PCNX4: variants seen among roughly 807,000 people sequenced by gnomAD.
PCNX4 encodes the protein pecanex 4.
PCNX4 carries 103 observed loss-of-function variants against 107.2 expected under a neutral mutation model. The ratio of observed to expected loss-of-function variants is 0.96; its 90% CI spans 0.82 to 1.13. The LOEUF (loss-of-function observed/expected upper bound fraction) is 1.13, where lower values mean the gene tolerates loss of function less well. Among genes scored for constraint, PCNX4 ranks in the 50% most tolerant of loss-of-function variants. The pLI, the probability that PCNX4 is intolerant of heterozygous loss-of-function variation, is 0.00. For missense variants in PCNX4, 1,528 were observed against 1,379.4 expected (o/e 1.11, Z -1.71); for synonymous variants, 541 against 481.7 (o/e 1.12, Z -1.61).
At chr14:60,123,393 A>G (rs1284107208) in intron 8 of PCNX4, among the ~76,000 whole-genome samples, 1 of 152,080 alleles carries the variant, frequency 6.6e-6, no homozygotes, top group Non-Finnish European at 1.5e-5. Flanking sequence ...GGAAAAAGGA[A>G]TCTCAGAGAG....
rs1301635506 is a variant in PCNX4, at chr14:60,108,239, A to T, written c.601A>T (p.Thr201Ser). ...TGTAAACACAGCTACAGAGACTGCG[A>T]CTTTCCAAACACAGGATACTTATGA... ...LIVNTATETA[T>S]FQTQDTYEII... The change falls in exon 2 of 11, where the codon ACT (threonine) becomes TCT (serine). Residue 201 changes from threonine (T) to serine (S), a missense_variant. Physicochemically the swap from Thr to Ser is moderately conservative, Grantham distance 58 (BLOSUM62 1). Transcript: ENST00000406854. 6.2e-7 allele frequency: 1 copy of T among 1,612,758 alleles called. No individual in the cohort carries two copies. Among genetic ancestry groups the T allele is most frequent in the Admixed American group, 1.7e-5 (1 of 60,030 alleles).
rs535098016 is a variant in PCNX4 at position 60,115,444 on chromosome 14, G to T, written c.1340G>T (p.Arg447Leu). 5 of 1,524,992 alleles carry T rather than the reference G, an allele frequency of 3.3e-6. No homozygotes were observed. Among genetic ancestry groups the T allele is most frequent in the Non-Finnish European group, 4.4e-6 (5 of 1,141,464 alleles). 94.5% of individuals were successfully genotyped at this position (1,524,992 alleles called of 1,614,324 possible). A position where few individuals can be genotyped will look rare whatever the true frequency, so the allele number is the denominator to read the frequency against. The change falls in exon 4 of 11, where the codon CGG becomes CTG. Residue 447 changes from arginine (R) to leucine (L), a missense_variant. Physicochemically the swap from Arg to Leu is moderately radical, Grantham distance 102 (BLOSUM62 -2). Transcript: ENST00000406854. ...CTCATGAAGATTGGTATTGTCAGAC[G>T]GATTTTGCTAACTTTAGGTAGGAAG... The part of the protein sequence containing the change: ...TRLMKIGIVR[R>L]ILLTLVSPFA...
chr14:60,127,123 A>C (rs1896069708), intron 10 of PCNX4, among the ~76,000 whole-genome samples: 1 of 152,216 alleles, frequency 6.6e-6, no homozygotes, highest in Non-Finnish European at 1.5e-5. Context: ...TCTTGAAAAC[A>C]ATGGAGGACT....
chr14:60,121,922 T>A (rs1242940124), intron 8 of PCNX4, among the ~76,000 whole-genome samples: 1 of 152,160 alleles, frequency 6.6e-6, no homozygotes, highest in African/African-American at 2.4e-5. Context: ...ACTTGTTTCA[T>A]GGGTTACTTC....
rs776158308 is a variant in PCNX4 at position 60,108,143 on chromosome 14, A to C, written c.505A>C (p.Ser169Arg). 2 of 1,612,904 alleles carry C rather than the reference A, an allele frequency of 1.2e-6. No homozygotes were observed. The highest frequency in any genetic ancestry group is 1.7e-6 in the Non-Finnish European group (2 of 1,179,886). The change falls in exon 2 of 11, where the codon AGT (serine) becomes CGT (arginine). Residue 169 changes from serine to arginine, a missense_variant. Transcript: ENST00000406854. ...AAATAGAATAACCTTGCTGTATGGCAGTACAGGAGGCACTGCTCTACTATT... is the reference window on the plus strand; with the variant it reads ...AAATAGAATAACCTTGCTGTATGGCCGTACAGGAGGCACTGCTCTACTATT... ...LPNRITLLYG[S>R]TGGTALLFFF...
At chr14:60,098,896 C>T (rs1000442058) in intron 1 of PCNX4, among the ~76,000 whole-genome samples, 5 of 151,742 alleles carry the variant, frequency 3.3e-5, no homozygotes, top group Non-Finnish European at 5.9e-5. Flanking sequence ...CGAGATCATG[C>T]CATTGTACTC....
At position 60,134,292 on chromosome 14, in the gene PCNX4, T is replaced by G; in HGVS notation, c.*71T>G. The G allele has an allele frequency of 6.5e-7, 1 of 1,546,504 alleles. No individual in the cohort carries two copies. Among genetic ancestry groups the G allele is most frequent in the Non-Finnish European group, 8.8e-7 (1 of 1,136,230 alleles). On this transcript the variant is annotated 3_prime_UTR_variant, in exon 11 of 11. Coordinates refer to ENST00000406854, the MANE Select transcript of PCNX4 (RefSeq NM_001330177.2). The stretch of plus-strand genomic sequence containing the variant: ...TTCATCCTAAAAAAGTAACTGTGAT[T>G]CTTGTAACTTGAGGACTTCTCCACA...
chr14:60,118,940 A>T (rs1313833427), intron 7 of PCNX4, among the ~76,000 whole-genome samples: 2 of 152,250 alleles, frequency 1.3e-5, no homozygotes, highest in Non-Finnish European at 2.9e-5. Flanking sequence ...ATAATTTTTT[A>T]AATACATTTT....
chr14:60,111,779 G>A (rs1010207164), intron 2 of PCNX4, among the ~76,000 whole-genome samples: 4 of 152,114 alleles, frequency 2.6e-5, no homozygotes, highest in African/African-American at 9.7e-5. Flanking sequence ...TTTAAGATTT[G>A]ATAATTACAA....
rs185986197 is a variant in PCNX4, at chr14:60,124,362, T to C, written c.2191T>C (p.Leu731=). Residue 731 remains leucine (L), a synonymous_variant, in exon 9 of 11, where the codon TTG becomes CTG. Transcript: ENST00000406854. ...AAATGTCTTGACACCCTGTACTGTTTTGCCTGTGAAATTGTATTCTGATGC... is the reference window on the plus strand; with the variant it reads ...AAATGTCTTGACACCCTGTACTGTTCTGCCTGTGAAATTGTATTCTGATGC... ...FGNVLTPCTV[L]PVKLYSDARN... The C allele has an allele frequency of 1.2e-5, 19 of 1,613,414 alleles. No individual in the cohort carries two copies. The Admixed American group carries it at 1.3e-4, about 11-fold the overall frequency.
intron 6 of PCNX4, among the ~76,000 whole-genome samples, chr14:60,116,655 G>T (rs1895854767): frequency 6.6e-6 from 1 of 152,082 alleles, no homozygotes; most frequent in Non-Finnish European, 1.5e-5. Flanking sequence ...ACTGGTTTAT[G>T]TACTTACTGT....
At chr14:60,107,254 G>A (rs1382695474) in intron 1 of PCNX4, among the ~76,000 whole-genome samples, 1 of 152,064 alleles carries the variant, frequency 6.6e-6, no homozygotes. Flanking sequence ...AGGGGCATGT[G>A]CCTATAGTCC....
chr14:60,121,233 T>C lies in PCNX4; in HGVS notation c.1980T>C (p.Phe660=). The change falls in exon 8 of 11, where the codon TTT becomes TTC. Residue 660 remains phenylalanine, a synonymous_variant. Transcript: ENST00000406854. ...CTGGATCTCATTACTTGGGCCGTTT[T>C]CAGGATCGTTTAATGTGGATAATGA... ...LLPGSHYLGR[F]QDRLMWIMIL... 1 of 1,611,882 alleles carries C rather than the reference T, an allele frequency of 6.2e-7. No homozygotes were observed.
chr14:60,124,907 AC>A lies in PCNX4; in HGVS notation c.2739del (p.Ala914GlnfsTer13), dbSNP rs1161465460. 6.2e-7 allele frequency: 1 copy of A among 1,613,788 alleles called. No homozygotes were observed. Among genetic ancestry groups the A allele is most frequent in the Admixed American group, 1.7e-5 (1 of 60,014 alleles). On this transcript the variant is annotated frameshift_variant, in exon 9 of 11. Coordinates refer to ENST00000406854, the MANE Select transcript of PCNX4 (RefSeq NM_001330177.2). LOFTEE classifies it high-confidence loss of function. ...SCSHSHLVCL[P>X]AEWRTSCMPS... is the part of the protein sequence containing the mutation. ...GTTCACATTCTCACTTAGTATGCTT[AC>A]CCGCAGAGTGGAGGACTAGCTGTAT...
intron 1 of PCNX4, among the ~76,000 whole-genome samples, chr14:60,104,926 G>A (rs1419986895): frequency 3.3e-5 from 5 of 152,156 alleles, no homozygotes; most frequent in Non-Finnish European, 5.9e-5. Flanking sequence ...GAGAAATGCC[G>A]TATACTAATA....
rs150050070 is a variant in PCNX4 at position 60,098,589 on chromosome 14, G to A, written c.-54+6170G>A. Among the ~76,000 whole-genome samples, 5 of 152,266 alleles carry A rather than the reference G, an allele frequency of 3.3e-5. No homozygotes were observed. The East Asian group carries it at 9.6e-4, about 29-fold the overall frequency. On this transcript the variant is annotated intron_variant, in intron 1 of 10. Coordinates refer to ENST00000406854, the MANE Select transcript of PCNX4 (RefSeq NM_001330177.2). ...GACTTTCCTTTGGTTGGGGAGCGGG[G>A]TGCTTACCATATAACTTGTAAACCA...
intron 10 of PCNX4, among the ~76,000 whole-genome samples, chr14:60,127,091 G>A (rs1250898116): frequency 6.6e-6 from 1 of 152,204 alleles, no homozygotes; most frequent in South Asian, 2.1e-4. Context: ...ACGGAGTGTA[G>A]ACACATTAAA....
At chr14:60,123,244 T>C (rs1001304442) in intron 8 of PCNX4, among the ~76,000 whole-genome samples, 2 of 152,214 alleles carry the variant, frequency 1.3e-5, no homozygotes, top group Non-Finnish European at 2.9e-5. Flanking sequence ...TTGGTGTTAC[T>C]CTTTTTTTCT....
intron 10 of PCNX4, among the ~76,000 whole-genome samples, chr14:60,133,336 A>G (rs969479944): frequency 6.6e-6 from 1 of 152,234 alleles, no homozygotes; most frequent in Non-Finnish European, 1.5e-5. Flanking sequence ...ATCGGTCACA[A>G]AAGACCACAT....
Sources: allele counts gnomAD v4.1 joint callset (sites outside exome capture counted in the v4.1 genomes callset), GRCh38; gene constraint gnomAD v4.1.1; transcripts MANE v1.5; gene names NCBI Gene and HGNC (gene_info 2026-07-23, HGNC 2026-07-21).